Variants in TUBB3 observed in about 807,000 individuals in gnomAD.
TUBB3 encodes the protein tubulin beta-3 chain.
Under a neutral mutation model 37.8 loss-of-function variants are expected in TUBB3, and 17 were observed. The ratio of observed to expected loss-of-function variants is 0.45; its 90% CI spans 0.31 to 0.67. The LOEUF is 0.67. Among genes scored for constraint, TUBB3 ranks in the 30% least tolerant of loss-of-function variants. TUBB3 has a pLI of 0.07. For missense variants in TUBB3, 262 were observed against 657.9 expected, an observed-to-expected ratio of 0.40 and a Z score of 6.58; for synonymous variants, 332 against 278.9, an observed-to-expected ratio of 1.19 and a Z score of -1.90.
intron 1 of TUBB3, among the ~76,000 whole-genome samples, chr16:89,929,559 C>G (rs532418737): frequency 6.6e-6 from 1 of 152,142 alleles, no homozygotes; most frequent in Non-Finnish European, 1.5e-5. Flanking sequence ...GAAAAGCTAC[C>G]GTGTGCACGT....
chr16:89,924,118 G>A (rs1487669347), intron 1 of TUBB3, among the ~76,000 whole-genome samples: 1 of 152,246 alleles, frequency 6.6e-6, no homozygotes, highest in Non-Finnish European at 1.5e-5. Flanking sequence ...GGGTCTACCA[G>A]TCTGGGGATT....
intron 1 of TUBB3, chr16:89,931,772 A>G: frequency 6.6e-6 from 2 of 301,312 alleles, no homozygotes; most frequent in Non-Finnish European, 1.4e-5. Context: ...CAGCAGGCCC[A>G]GCCCCTGAGT....
At position 89,935,822 on chromosome 16, in the gene TUBB3, G is replaced by A; in HGVS notation, c.*18G>A. On this transcript the variant is annotated 3_prime_UTR_variant, in exon 4 of 4. Transcript: ENST00000315491. The stretch of plus-strand genomic sequence containing the variant: ...CCAAGTGAAGCTGCTCGCAGCTGGA[G>A]TGAGAGGCAGGTGGCGGCCGGGGCC... The A allele has an allele frequency of 1.9e-6, 3 of 1,608,432 alleles. No homozygotes were observed. The highest frequency in any genetic ancestry group is 2.2e-5 in the South Asian group (2 of 90,890).
chr16:89,926,449 C>T (rs987073923), intron 1 of TUBB3, among the ~76,000 whole-genome samples: 1 of 152,272 alleles, frequency 6.6e-6, no homozygotes, highest in Non-Finnish European at 1.5e-5. Context: ...CCTGCCTTGG[C>T]CACTGCCCTC....
At chr16:89,924,466 G>T (rs773088518) in intron 1 of TUBB3, among the ~76,000 whole-genome samples, 3 of 38,124 alleles carry the variant, frequency 7.9e-5, no homozygotes, top group African/African-American at 9.3e-4. Flanking sequence ...ACAGGGGATC[G>T]GGGGGGGAGG....
intron 1 of TUBB3, among the ~76,000 whole-genome samples, chr16:89,925,315 G>A (rs568116729): frequency 6.6e-6 from 1 of 152,140 alleles, no homozygotes; most frequent in Non-Finnish European, 1.5e-5. Flanking sequence ...GGCCGGGCAC[G>A]GTGGATGAGG....
chr16:89,930,029 TTCC>T (rs1467584677), intron 1 of TUBB3, among the ~76,000 whole-genome samples: 2 of 146,240 alleles, frequency 1.4e-5, no homozygotes, highest in Non-Finnish European at 3.0e-5. Flanking sequence ...CCTTCCTTCC[TTCC>T]TTCCTTCCTT....
chr16:89,934,856 G>A lies in TUBB3; in HGVS notation c.405G>A (p.Leu135=). The A allele has an allele frequency of 6.2e-7, 1 of 1,614,160 alleles. No individual in the cohort carries two copies. The highest frequency in any genetic ancestry group is 8.5e-7 in the Non-Finnish European group (1 of 1,180,026). Reference sequence around the variant, plus strand: ...GCGACTGCCTGCAGGGCTTCCAGCTGACCCACTCGCTGGGGGGCGGCACGG... The same window carrying A: ...GCGACTGCCTGCAGGGCTTCCAGCTAACCCACTCGCTGGGGGGCGGCACGG... ...ENCDCLQGFQ[L]THSLGGGTGS... is the part of the protein sequence containing the mutation. The change falls in exon 4 of 4, where the codon CTG becomes CTA. Residue 135 remains leucine, a synonymous_variant. Transcript: ENST00000315491.
chr16:89,923,263 A>G (rs2029948320), upstream of TUBB3: 8 of 542,670 alleles, frequency 1.5e-5, no homozygotes, highest in Middle Eastern at 6.2e-4. Flanking sequence ...GCGCCTCCCG[A>G]TTGGCCACCC....
intron 1 of TUBB3, among the ~76,000 whole-genome samples, chr16:89,929,514 G>A (rs1226380110): frequency 1.3e-5 from 2 of 152,060 alleles, no homozygotes; most frequent in Admixed American, 6.6e-5. Flanking sequence ...TATTCTTAAG[G>A]TTTTAAAAAC....
chr16:89,928,673 C>G (rs944361153), intron 1 of TUBB3, among the ~76,000 whole-genome samples: 6 of 151,942 alleles, frequency 3.9e-5, no homozygotes, highest in African/African-American at 1.5e-4. Context: ...TACAGGTGCC[C>G]GCCACCGCGC....
chr16:89,930,086 TTCC>T, intron 1 of TUBB3, among the ~76,000 whole-genome samples: 1 of 144,772 alleles, frequency 6.9e-6, no homozygotes, highest in African/African-American at 2.8e-5. Flanking sequence ...CCTTTCTTTC[TTCC>T]TTCATTCCTT....
At chr16:89,923,653 A>G (rs963636148) in intron 1 of TUBB3, among the ~76,000 whole-genome samples, 195 bp downstream of exon 1, 1 of 152,056 alleles carries the variant, frequency 6.6e-6, no homozygotes, top group Non-Finnish European at 1.5e-5. Flanking sequence ...GCCCCTGCCC[A>G]GGTGACCTCG....
intron 1 of TUBB3, among the ~76,000 whole-genome samples, chr16:89,925,402 G>C (rs571694021): frequency 6.6e-6 from 1 of 150,676 alleles, no homozygotes; most frequent in Admixed American, 6.6e-5. Flanking sequence ...GACCAGCCGG[G>C]ATAACATGGT....
At position 89,935,780 on chromosome 16, in the gene TUBB3, G is replaced by A. The variant is rs749705105; in HGVS notation, c.1329G>A (p.Glu443=). The part of the protein sequence containing the change: ...EGEMYEDDEE[E]SEAQGPK ...AGATGTACGAAGACGACGAGGAGGA[G>A]TCGGAGGCCCAGGGCCCCAAGTGAA... The change falls in exon 4 of 4, where the codon GAG becomes GAA. Residue 443 remains glutamate, a synonymous_variant. Coordinates refer to ENST00000315491, the MANE Select transcript of TUBB3 (RefSeq NM_006086.4). The A allele has an allele frequency of 3.1e-6, 5 of 1,613,634 alleles. No homozygotes were observed. Among genetic ancestry groups the A allele is most frequent in the Middle Eastern group, 1.7e-4 (1 of 6,054 alleles).
intron 1 of TUBB3, among the ~76,000 whole-genome samples, chr16:89,927,724 C>G (rs1597420434): frequency 6.6e-6 from 1 of 152,240 alleles, no homozygotes; most frequent in East Asian, 1.9e-4. Flanking sequence ...ACGTTCATCT[C>G]ACAGATGAGA....
chr16:89,923,766 GCTGGGAGCCCTGT>G, intron 1 of TUBB3, among the ~76,000 whole-genome samples: 1 of 152,204 alleles, frequency 6.6e-6, no homozygotes, highest in African/African-American at 2.4e-5. Context: ...CGCAGGTGCA[GCTGGGAGCCCTGT>G]CTGGGCGTGG....
At chr16:89,931,302 T>A (rs1159783466) in intron 1 of TUBB3, among the ~76,000 whole-genome samples, 1 of 152,254 alleles carries the variant, frequency 6.6e-6, no homozygotes. Flanking sequence ...AGGAATCTTC[T>A]GCAGCACATG....
chr16:89,934,108 C>T (rs1372026976), intron 3 of TUBB3: 4 of 339,676 alleles, frequency 1.2e-5, no homozygotes, highest in Non-Finnish European at 1.6e-5. Context: ...GGGGCGGGGC[C>T]GTGGATGCCA....
Sources: gnomAD v4.1 joint callset for allele counts (sites outside exome capture counted in the v4.1 genomes callset) on GRCh38, gnomAD v4.1.1 for gene constraint, MANE v1.5 for transcripts, NCBI Gene and HGNC (gene_info 2026-07-23, HGNC 2026-07-21) for gene names.